Variants in TPRG1 observed in about 807,000 individuals in gnomAD.
TPRG1 encodes the protein tumor protein p63-regulated gene 1 protein.
TPRG1 carries 29 observed loss-of-function variants against 29.3 expected under a neutral mutation model. The ratio of observed to expected loss-of-function variants is 0.99; its 90% CI spans 0.74 to 1.35. The LOEUF (loss-of-function observed/expected upper bound fraction) is 1.35. TPRG1 is among the 40% of genes most tolerant of loss of function. The pLI is 0.00. For missense variants in TPRG1, 327 were observed against 335.0 expected, an observed-to-expected ratio of 0.98 and a Z score of 0.19; for synonymous variants, 130 against 116.8, an observed-to-expected ratio of 1.11 and a Z score of -0.73.
chr3:189,246,473 C>G (rs2108982136), intron 4 of TPRG1, among the ~76,000 whole-genome samples: 1 of 152,158 alleles, frequency 6.6e-6, no homozygotes, highest in South Asian at 2.1e-4. Context: ...GCTTTTAATC[C>G]ATGACCTGCA....
chr3:189,253,810 G>A (rs1742646837), intron 4 of TPRG1, among the ~76,000 whole-genome samples: 1 of 151,746 alleles, frequency 6.6e-6, no homozygotes, highest in Admixed American at 6.6e-5. Flanking sequence ...GCATGAGATG[G>A]TATTTCATTG....
At chr3:189,089,276 T>G (rs960999722) in intron 4 of TPRG1, among the ~76,000 whole-genome samples, 6 of 152,234 alleles carry the variant, frequency 3.9e-5, no homozygotes, top group African/African-American at 1.4e-4. Context: ...CTCTGATTAT[T>G]TTTTCAATCT....
At position 189,051,147 on chromosome 3, in the gene TPRG1, A is replaced by C. The variant is rs965058117; in HGVS notation, c.-463+27201A>C. Among the ~76,000 whole-genome samples, 3 of 152,172 alleles carry C rather than the reference A, an allele frequency of 2.0e-5. No homozygotes were observed. In the South Asian group the frequency reaches 6.2e-4, roughly 32 times the overall value. On this transcript the variant is annotated intron_variant, in intron 4 of 10. Coordinates refer to the TPRG1 transcript ENST00000433971. ...TCGGTAAAGAGGAAGTCAAAATGTCACTGTTTGCTGACGATATTTATCATT... is the reference window on the plus strand; with the variant it reads ...TCGGTAAAGAGGAAGTCAAAATGTCCCTGTTTGCTGACGATATTTATCATT...
intron 5 of TPRG1, among the ~76,000 whole-genome samples, chr3:189,312,180 TC>T (rs1722754888): frequency 0.044 from 2,389 of 54,254 alleles, 26 homozygotes; most frequent in East Asian, 0.11. Flanking sequence ...TTTCTTTCTT[TC>T]TTTTTTTCTT....
At chr3:189,160,629 G>A (rs947395718) in intron 5 of TPRG1, among the ~76,000 whole-genome samples, 1 of 152,112 alleles carries the variant, frequency 6.6e-6, no homozygotes, top group African/African-American at 2.4e-5. Flanking sequence ...CCAGGGAGAC[G>A]GGGACTAGGC....
intron 3 of TPRG1, among the ~76,000 whole-genome samples, chr3:189,015,300 G>A (rs1342411987): frequency 1.3e-5 from 2 of 152,190 alleles, no homozygotes; most frequent in Non-Finnish European, 2.9e-5. Flanking sequence ...CATTCAAGAT[G>A]TGGCATGGCT....
chr3:189,232,069 A>C (rs2108909979), intron 3 of TPRG1, among the ~76,000 whole-genome samples: 1 of 152,194 alleles, frequency 6.6e-6, no homozygotes, highest in Non-Finnish European at 1.5e-5. Context: ...TATAAAGAAA[A>C]AAATGGCCAC....
intron 2 of TPRG1, among the ~76,000 whole-genome samples, chr3:189,131,383 TTATATA>T (rs950632595): frequency 5.9e-5 from 9 of 151,886 alleles, no homozygotes; most frequent in Non-Finnish European, 8.8e-5. Context: ...ATATGTGTGT[TTATATA>T]TATATAGTTG....
intron 3 of TPRG1, among the ~76,000 whole-genome samples, chr3:189,140,158 CA>C (rs1413945918): frequency 8.5e-5 from 13 of 152,294 alleles, no homozygotes; most frequent in Admixed American, 5.9e-4. Context: ...GACTCAGCTT[CA>C]CCAGATACAC....
At chr3:189,104,591 C>T (rs1469566405) in intron 1 of TPRG1, among the ~76,000 whole-genome samples, 1 of 151,824 alleles carries the variant, frequency 6.6e-6, no homozygotes, top group Non-Finnish European at 1.5e-5. Context: ...CGATTTGTAC[C>T]TATAAGAGAC....
chr3:189,128,374 T>A (rs757227793), intron 2 of TPRG1, among the ~76,000 whole-genome samples: 3 of 152,118 alleles, frequency 2.0e-5, no homozygotes, highest in Non-Finnish European at 4.4e-5. Flanking sequence ...TCAAGGTAGG[T>A]TTATCAGATT....
At chr3:189,266,908 C>G (rs1408156041) in intron 4 of TPRG1, among the ~76,000 whole-genome samples, 1 of 151,492 alleles carries the variant, frequency 6.6e-6, no homozygotes, top group African/African-American at 2.4e-5. Flanking sequence ...TTTATGCTAA[C>G]TTGGATATTG....
chr3:189,242,707 T>C (rs1429157560), intron 4 of TPRG1, among the ~76,000 whole-genome samples: 2 of 152,070 alleles, frequency 1.3e-5, no homozygotes, highest in African/African-American at 4.8e-5. Flanking sequence ...TATCTTTTCA[T>C]TGACTGTTTG....
At chr3:189,115,123 G>C (rs1015046978) in intron 1 of TPRG1, among the ~76,000 whole-genome samples, 4 of 152,254 alleles carry the variant, frequency 2.6e-5, no homozygotes, top group African/African-American at 9.6e-5. Flanking sequence ...GCTTAAGGCA[G>C]AGTGTATGTG....
chr3:189,259,053 A>G (rs1712475914), intron 4 of TPRG1, among the ~76,000 whole-genome samples: 1 of 152,060 alleles, frequency 6.6e-6, no homozygotes, highest in South Asian at 2.1e-4. Context: ...GTATGAAAAA[A>G]ACTCCTGCAG....
At chr3:189,313,601 A>G (rs1723036157) in intron 5 of TPRG1, among the ~76,000 whole-genome samples, 1 of 152,220 alleles carries the variant, frequency 6.6e-6, no homozygotes, top group African/African-American at 2.4e-5. Context: ...TTATTTTAAA[A>G]TACATGAAAA....
At chr3:189,292,037 T>C (rs1719084653) in intron 4 of TPRG1, among the ~76,000 whole-genome samples, 1 of 152,234 alleles carries the variant, frequency 6.6e-6, no homozygotes, top group South Asian at 2.1e-4. Context: ...CCAAGCAGCA[T>C]TCAAGCACAT....
chr3:189,168,654 C>T (rs748586470), upstream of TPRG1, among the ~76,000 whole-genome samples: 22 of 152,080 alleles, frequency 1.4e-4, no homozygotes, highest in Non-Finnish European at 2.2e-4. Context: ...ACTATTGGAA[C>T]GCAAGAGAAG....
intron 3 of TPRG1, among the ~76,000 whole-genome samples, chr3:189,015,384 A>G (rs710508): frequency 0.98 from 149,697 of 152,332 alleles, 73,609 homozygotes; most frequent in East Asian, 1. Context: ...TAAAAGGTAA[A>G]CAGAGCATCA....
Sources: gnomAD v4.1 joint callset for allele counts (sites outside exome capture counted in the v4.1 genomes callset) on GRCh38, gnomAD v4.1.1 for gene constraint, MANE v1.5 for transcripts, NCBI Gene and HGNC (gene_info 2026-07-23, HGNC 2026-07-21) for gene names.